AMPH: variants seen among roughly 807,000 people sequenced by gnomAD.
AMPH encodes amphiphysin.
Under a neutral mutation model 99.1 loss-of-function variants are expected in AMPH, and 49 were observed. The observed-to-expected ratio is 0.49, with a 90% CI of 0.39 to 0.63. AMPH has a LOEUF of 0.63. Ranked by LOEUF, AMPH falls within the 20% of genes least tolerant of loss-of-function variation. The pLI, the probability that AMPH is intolerant of heterozygous loss-of-function variation, is 0.00. For missense variants in AMPH, 759 were observed against 863.4 expected (o/e 0.88, Z 1.52); for synonymous variants, 314 against 317.3 (o/e 0.99, Z 0.11).
At chr7:38,414,374 C>T (rs1785305428) in intron 17 of AMPH, among the ~76,000 whole-genome samples, 1 of 152,078 alleles carries the variant, frequency 6.6e-6, no homozygotes, top group Non-Finnish European at 1.5e-5. Flanking sequence ...TTTATATGTT[C>T]TAAAAACTAT....
intron 1 of AMPH, among the ~76,000 whole-genome samples, chr7:38,580,820 G>A (rs1792426138): frequency 6.6e-6 from 1 of 152,094 alleles, no homozygotes; most frequent in African/African-American, 2.4e-5. Context: ...TAACTTTGTA[G>A]GTATAAGTCT....
Position 38,465,498 on chromosome 7 carries a change from C to G in AMPH, c.718G>C (p.Asp240His). The G allele has an allele frequency of 6.3e-7, 1 of 1,584,504 alleles. No homozygotes were observed. The highest frequency in any genetic ancestry group is 8.6e-7 in the Non-Finnish European group (1 of 1,163,630). ...VMTKLGDQHA[D>H]KAFTIQGAPS... ...GCTCCTTGGATGGTGAAGGCCTTGT[C>G]GGCGTGCTGGTCACCCAGTTTTGTC... Residue 240 changes from aspartate to histidine, a missense_variant, in exon 9 of 21, where the codon GAC becomes CAC. Asp to His is a moderately conservative substitution (Grantham distance 81). Around this residue, in one of 2 missense-constraint regions of AMPH, gnomAD observed 554 missense variants for 575.6 expected, o/e 0.96. Transcript: ENST00000356264.
intron 1 of AMPH, among the ~76,000 whole-genome samples, chr7:38,620,554 C>T (rs1197722371): frequency 1.4e-4 from 11 of 78,546 alleles, no homozygotes; most frequent in South Asian, 7.9e-4. Context: ...TACATACACA[C>T]ACACACACAC....
At chr7:38,441,749 TC>T (rs1009714124) in intron 11 of AMPH, among the ~76,000 whole-genome samples, 4 of 146,666 alleles carry the variant, frequency 2.7e-5, no homozygotes, top group Non-Finnish European at 6.0e-5. Context: ...GACAGATATA[TC>T]ATATATATAT....
At chr7:38,428,357 T>C (rs1308115283) in intron 14 of AMPH, 4 of 456,756 alleles carry the variant, frequency 8.8e-6, no homozygotes, top group Non-Finnish European at 1.8e-5. Flanking sequence ...ACCCTTCTAT[T>C]AGTGAACTTT....
rs1297480692 is a variant in AMPH, at chr7:38,386,868, A to AGG, written c.1981-1944_1981-1943insCC. On this transcript the variant is annotated intron_variant, in intron 20 of 20. Coordinates refer to ENST00000356264, the MANE Select transcript of AMPH (RefSeq NM_001635.4). ...CAAGGGGTGAGATCTATGCTGATAC[A>AGG]GCTTTTCCCCTGAGGATTATCCTCA... Among the ~76,000 whole-genome samples the AGG allele has an allele frequency of 2.6e-5, 4 of 152,352 alleles. No individual in the cohort carries two copies. The East Asian group carries it at 7.7e-4, about 29-fold the overall frequency.
chr7:38,541,250 C>T (rs969174193), intron 1 of AMPH, among the ~76,000 whole-genome samples: 15 of 108,792 alleles, frequency 1.4e-4, no homozygotes, highest in Non-Finnish European at 1.4e-4. Flanking sequence ...CTACAAAGTC[C>T]CATAACTTAT....
intron 5 of AMPH, among the ~76,000 whole-genome samples, chr7:38,483,478 C>T (rs981178862): frequency 4.6e-5 from 7 of 152,108 alleles, no homozygotes; most frequent in African/African-American, 7.2e-5. Context: ...AAGCATCCAA[C>T]GATACAACCT....
chr7:38,388,115 C>A (rs1381169332), intron 20 of AMPH, among the ~76,000 whole-genome samples: 2 of 152,056 alleles, frequency 1.3e-5, no homozygotes, highest in African/African-American at 4.8e-5. Flanking sequence ...AAAGGAAGTT[C>A]TTTAAGCAGA....
chr7:38,389,742 T>C, intron 20 of AMPH, 62 bp downstream of exon 20: 2 of 1,260,602 alleles, frequency 1.6e-6, no homozygotes. Context: ...AGTGATTGTG[T>C]CCAACAGACC....
At chr7:38,527,988 C>A (rs2129037574) in intron 2 of AMPH, among the ~76,000 whole-genome samples, 1 of 152,232 alleles carries the variant, frequency 6.6e-6, no homozygotes, top group East Asian at 1.9e-4. Flanking sequence ...ATTTTTTCTA[C>A]ATCAATTTAT....
chr7:38,442,278 G>T (rs1053746834), intron 11 of AMPH, among the ~76,000 whole-genome samples: 5 of 152,080 alleles, frequency 3.3e-5, no homozygotes, highest in African/African-American at 9.7e-5. Flanking sequence ...CCCTGTTAAA[G>T]AGTACAGCAT....
At chr7:38,534,810 C>G (rs1048210308) in intron 2 of AMPH, 121 bp downstream of exon 2, 10 of 776,096 alleles carry the variant, frequency 1.3e-5, no homozygotes, top group Non-Finnish European at 2.1e-5. Flanking sequence ...GCAAGTGTTA[C>G]TCTCAAGTTA....
chr7:38,594,449 G>A (rs957895427), intron 1 of AMPH, among the ~76,000 whole-genome samples: 1 of 152,140 alleles, frequency 6.6e-6, no homozygotes, highest in African/African-American at 2.4e-5. Flanking sequence ...CAGACATTGT[G>A]CAAGGTGCTT....
chr7:38,499,070 C>T lies in AMPH; in HGVS notation c.206-4543G>A, dbSNP rs922037262. 3.3e-5 allele frequency among the ~76,000 whole-genome samples: 5 copies of T among 152,338 alleles called. No homozygotes were observed. The South Asian group carries it at 1.0e-3, about 32-fold the overall frequency. On this transcript the variant is annotated intron_variant, in intron 3 of 20. Transcript: ENST00000356264. ...TCATTCAAGTGTAAGTTCCTTGGAA[C>T]AACCATTCCTGCCCCAGTCTCTTGC...
intron 2 of AMPH, among the ~76,000 whole-genome samples, chr7:38,524,765 G>C (rs1393065063): frequency 6.6e-6 from 1 of 152,094 alleles, no homozygotes; most frequent in African/African-American, 2.4e-5. Flanking sequence ...AAATAAAATT[G>C]GGAACTTTTA....
At chr7:38,426,264 G>A (rs1040731735) in intron 15 of AMPH, among the ~76,000 whole-genome samples, 14 of 152,166 alleles carry the variant, frequency 9.2e-5, no homozygotes, top group Admixed American at 6.5e-4. Flanking sequence ...ACTGATCCAG[G>A]AGCCTGAGAG....
At chr7:38,514,721 G>A (rs1467567890) in intron 2 of AMPH, among the ~76,000 whole-genome samples, 1 of 152,198 alleles carries the variant, frequency 6.6e-6, no homozygotes, top group East Asian at 1.9e-4. Context: ...CAATGTCTGA[G>A]CAGATGCTGA....
chr7:38,553,385 G>A (rs1791245510), intron 1 of AMPH, among the ~76,000 whole-genome samples: 1 of 152,218 alleles, frequency 6.6e-6, no homozygotes, highest in African/African-American at 2.4e-5. Context: ...TGGCCCTGGG[G>A]ATCATCACTG....
Sources: allele counts gnomAD v4.1 joint callset (sites outside exome capture counted in the v4.1 genomes callset), GRCh38; gene constraint gnomAD v4.1.1; regional missense constraint gnomAD v4.1.1; transcripts MANE v1.5; gene names NCBI Gene and HGNC (gene_info 2026-07-23, HGNC 2026-07-21).